LINGO2: variants seen among roughly 807,000 people sequenced by gnomAD.
LINGO2 encodes the protein leucine rich repeat and Ig domain containing 2, also known as leucine-rich repeat and immunoglobulin-like domain-containing nogo receptor-interacting protein 2.
In LINGO2, 14 loss-of-function variants were observed where a neutral mutation model predicts 30.6. The observed-to-expected ratio is 0.46, with a 90% CI of 0.30 to 0.72. The LOEUF is 0.72. Ranked by LOEUF, LINGO2 falls within the 30% of genes least tolerant of loss-of-function variation. LINGO2 has a pLI of 0.07. For missense variants in LINGO2, 729 were observed against 751.7 expected (o/e 0.97, Z 0.35); for synonymous variants, 317 against 288.5 (o/e 1.10, Z -1.00).
rs1300891779 is a variant in LINGO2, at chr9:28,547,631, AG to A, written c.-364-71607del. On this transcript the variant is annotated intron_variant, in intron 1 of 5. Coordinates refer to ENST00000379992, the Ensembl canonical transcript of LINGO2. ...GAAATTAAGAAGCCTACCATTAAATAGGCAAACGATTTACAAGAAATGAAAT... is the reference window on the plus strand; with the variant it reads ...GAAATTAAGAAGCCTACCATTAAATAGCAAACGATTTACAAGAAATGAAAT... Among the ~76,000 whole-genome samples the A allele has an allele frequency of 2.0e-5, 3 of 152,324 alleles. No individual in the cohort carries two copies. The East Asian group carries it at 5.8e-4, about 29-fold the overall frequency.
In LINGO2 at chr9:28,554,474, T is replaced by C. The variant is rs977313560; in HGVS notation, c.-364-78449A>G. On this transcript the variant is annotated intron_variant, in intron 1 of 5. Transcript: ENST00000379992. ...CTATCCTAAATATATATGCACCCAA[T>C]ACAGGAGCACCCAGACTCATAAAGC... Among the ~76,000 whole-genome samples the C allele has an allele frequency of 3.4e-5, 5 of 146,682 alleles. No individual in the cohort carries two copies. The South Asian group carries it at 1.1e-3, about 33-fold the overall frequency.
chr9:27,963,794 T>C (rs1819966102), intron 5 of LINGO2, among the ~76,000 whole-genome samples: 1 of 149,800 alleles, frequency 6.7e-6, no homozygotes, highest in African/African-American at 2.5e-5. Context: ...CCAAAATACA[T>C]CTGAGGCTAT....
intron 1 of LINGO2, among the ~76,000 whole-genome samples, chr9:28,579,061 C>CTTTT (rs34468047): frequency 3.1e-4 from 46 of 150,128 alleles, no homozygotes; most frequent in African/African-American, 9.5e-4. Context: ...CATAAGAGCT[C>CTTTT]TTTTTTTTTT....
At chr9:28,274,757 G>A (rs1224221745) in intron 4 of LINGO2, among the ~76,000 whole-genome samples, 2 of 152,104 alleles carry the variant, frequency 1.3e-5, no homozygotes, top group African/African-American at 4.8e-5. Flanking sequence ...CACCCCACAC[G>A]ATAGGGTGCT....
intron 3 of LINGO2, among the ~76,000 whole-genome samples, chr9:28,308,441 T>A (rs1317882886): frequency 6.9e-6 from 1 of 144,336 alleles, no homozygotes; most frequent in East Asian, 2.1e-4. Context: ...CAAGATGGAT[T>A]AAAGACTTAA....
intron 4 of LINGO2, among the ~76,000 whole-genome samples, chr9:28,103,816 G>C (rs548813396): frequency 6.6e-6 from 1 of 152,086 alleles, no homozygotes; most frequent in African/African-American, 2.4e-5. Flanking sequence ...ACTTAGATCT[G>C]CCATTTTAAC....
the LINGO2 span, among the ~76,000 whole-genome samples, chr9:29,188,490 A>C: frequency 6.6e-6 from 1 of 151,974 alleles, no homozygotes; most frequent in Non-Finnish European, 1.5e-5. Context: ...CTATTCCACG[A>C]AACCGCCCCG....
chr9:28,512,116 C>T (rs1003889891), intron 1 of LINGO2, among the ~76,000 whole-genome samples: 2 of 152,034 alleles, frequency 1.3e-5, no homozygotes, highest in Non-Finnish European at 2.9e-5. Flanking sequence ...TGCTTGAGCC[C>T]GATCACATAT....
chr9:29,143,434 A>C, the LINGO2 span, among the ~76,000 whole-genome samples: 6 of 152,160 alleles, frequency 3.9e-5, no homozygotes, highest in Admixed American at 3.3e-4. Context: ...ACAGTAATCA[A>C]AACAGTATGC....
intron 5 of LINGO2, among the ~76,000 whole-genome samples, chr9:27,975,913 A>G (rs1230572959): frequency 6.6e-6 from 1 of 152,084 alleles, no homozygotes; most frequent in Non-Finnish European, 1.5e-5. Flanking sequence ...ATAGTAAAGA[A>G]AGGCAGTTCT....
intron 4 of LINGO2, among the ~76,000 whole-genome samples, chr9:28,139,632 A>C (rs10968352): frequency 0.46 from 70,650 of 151,984 alleles, 18,014 homozygotes; most frequent in East Asian, 0.65. Flanking sequence ...TCCTACTGTG[A>C]GATTTAATTT....
upstream of LINGO2, among the ~76,000 whole-genome samples, chr9:28,671,650 G>A (rs1419268440): frequency 6.6e-6 from 1 of 151,954 alleles, no homozygotes; most frequent in Non-Finnish European, 1.5e-5. Context: ...AGGGTGGGAG[G>A]AGGGAAAGAA....
chr9:28,760,339 CTGTT>C, the LINGO2 span, among the ~76,000 whole-genome samples: 1 of 151,892 alleles, frequency 6.6e-6, no homozygotes, highest in Non-Finnish European at 1.5e-5. Context: ...ATTATTGAAA[CTGTT>C]TGGTCTACCA....
chr9:28,253,889 C>T (rs4633146), intron 4 of LINGO2, among the ~76,000 whole-genome samples: 10,935 of 152,154 alleles, frequency 0.072, 506 homozygotes, highest in Middle Eastern at 0.15. Context: ...CACAGAAGTT[C>T]CTCCATTTGC....
intron 1 of LINGO2, among the ~76,000 whole-genome samples, chr9:28,519,863 C>A (rs564913882): frequency 6.6e-6 from 1 of 152,044 alleles, no homozygotes; most frequent in Non-Finnish European, 1.5e-5. Flanking sequence ...TTTGCCCAGC[C>A]CTTGATCCCC....
the LINGO2 span, among the ~76,000 whole-genome samples, chr9:28,892,050 G>C: frequency 6.6e-6 from 1 of 151,568 alleles, no homozygotes; most frequent in East Asian, 1.9e-4. Flanking sequence ...TAACAAACTG[G>C]GTCTTTCTTT....
chr9:28,446,231 T>C (rs1824421737), intron 2 of LINGO2, among the ~76,000 whole-genome samples: 1 of 152,212 alleles, frequency 6.6e-6, no homozygotes, highest in Non-Finnish European at 1.5e-5. Context: ...TGAAGAGTCA[T>C]CAAAGCTAAT....
chr9:28,071,015 C>A (rs1286572013), intron 4 of LINGO2, among the ~76,000 whole-genome samples: 1 of 152,102 alleles, frequency 6.6e-6, no homozygotes, highest in Admixed American at 6.6e-5. Flanking sequence ...ATGCCTGGCC[C>A]CAGTACTACT....
chr9:28,982,721 G>C, the LINGO2 span, among the ~76,000 whole-genome samples: 1 of 151,674 alleles, frequency 6.6e-6, no homozygotes, highest in Admixed American at 6.6e-5. Flanking sequence ...GCATGTAGTA[G>C]TCATTTTACA....
Sources: allele counts gnomAD v4.1 joint callset (sites outside exome capture counted in the v4.1 genomes callset), GRCh38; gene constraint gnomAD v4.1.1; transcripts MANE v1.5; gene names NCBI Gene and HGNC (gene_info 2026-07-23, HGNC 2026-07-21).